The following OLA1 variants were observed in gnomAD, a reference collection of about 807,000 sequenced individuals.
OLA1 encodes Obg like ATPase 1.
In OLA1, 14 loss-of-function variants were observed where a neutral mutation model predicts 48.4. The ratio of observed to expected loss-of-function variants is 0.29; its 90% confidence interval spans 0.19 to 0.45. OLA1 has a LOEUF of 0.45. OLA1 is among the 20% of genes least tolerant of loss of function. The pLI is 1.00. For missense variants in OLA1, 325 were observed against 467.1 expected (o/e 0.70, Z 2.80); for synonymous variants, 127 against 150.4 (o/e 0.84, Z 1.14).
intron 7 of OLA1, among the ~76,000 whole-genome samples, chr2:174,116,817 C>CACAT (rs1423429397): frequency 6.6e-6 from 1 of 152,180 alleles, no homozygotes; most frequent in Non-Finnish European, 1.5e-5. Flanking sequence ...TCACCCCCAA[C>CACAT]ACATACATAC....
intron 4 of OLA1, among the ~76,000 whole-genome samples, chr2:174,151,760 AT>A (rs1445482794): frequency 5.3e-5 from 8 of 152,210 alleles, no homozygotes; most frequent in African/African-American, 1.9e-4. Flanking sequence ...TTTAATATCT[AT>A]AGTTTTATTA....
intron 7 of OLA1, among the ~76,000 whole-genome samples, chr2:174,108,012 C>G (rs1354422199): frequency 6.6e-6 from 1 of 152,062 alleles, no homozygotes; most frequent in Non-Finnish European, 1.5e-5. Flanking sequence ...ACAATATTAT[C>G]TCTTTTCAAA....
intron 4 of OLA1, among the ~76,000 whole-genome samples, chr2:174,214,449 G>A (rs1688316720): frequency 6.6e-6 from 1 of 152,142 alleles, no homozygotes; most frequent in Non-Finnish European, 1.5e-5. Flanking sequence ...TTGCCCTAGG[G>A]TTATATCTTA....
chr2:174,129,532 C>A (rs918764042), intron 5 of OLA1, among the ~76,000 whole-genome samples: 1 of 150,286 alleles, frequency 6.7e-6, no homozygotes, highest in East Asian at 1.9e-4. Context: ...AATGTGATTC[C>A]ATTTATGGTT....
At chr2:174,122,657 C>T (rs1252970257) in intron 7 of OLA1, among the ~76,000 whole-genome samples, 1 of 151,498 alleles carries the variant, frequency 6.6e-6, no homozygotes, top group Non-Finnish European at 1.5e-5. Context: ...AAATGACAAT[C>T]AATACATGAA....
At position 174,094,424 on chromosome 2, in the gene OLA1, C is replaced by T. The variant is rs1347332067; in HGVS notation, c.729-12360G>A. ...CCGGATTTTTTCCCCCAGAAACTGA[C>T]AAGTCAATCCTAAAATTCATATGAA... On this transcript the variant is annotated intron_variant, in intron 7 of 10. Coordinates refer to ENST00000284719, the MANE Select transcript of OLA1 (RefSeq NM_013341.5). Among the ~76,000 whole-genome samples, 4 of 152,100 alleles carry T rather than the reference C, an allele frequency of 2.6e-5. No homozygotes were observed. In the East Asian group the frequency reaches 5.8e-4, roughly 22 times the overall value.
At chr2:174,189,735 T>C (rs992432201) in intron 4 of OLA1, among the ~76,000 whole-genome samples, 3 of 152,092 alleles carry the variant, frequency 2.0e-5, no homozygotes, top group Non-Finnish European at 2.9e-5. Context: ...CCATAATTAC[T>C]GATGCATTTT....
intron 4 of OLA1, among the ~76,000 whole-genome samples, chr2:174,219,239 C>T (rs1369970397): frequency 6.8e-6 from 1 of 146,266 alleles, no homozygotes; most frequent in Admixed American, 6.9e-5. Context: ...TCCAGGAGTT[C>T]AAGACCAGCC....
intron 7 of OLA1, among the ~76,000 whole-genome samples, chr2:174,121,531 A>T (rs1034275020): frequency 6.6e-6 from 1 of 151,954 alleles, no homozygotes; most frequent in African/African-American, 2.4e-5. Flanking sequence ...TCCCCCCAAG[A>T]CATACACACA....
At chr2:174,084,978 G>A (rs905691889) in intron 7 of OLA1, among the ~76,000 whole-genome samples, 14 of 152,202 alleles carry the variant, frequency 9.2e-5, no homozygotes, top group African/African-American at 3.4e-4. Context: ...GAGTTAAACT[G>A]TAAAGCCTTT....
At chr2:174,176,326 C>A (rs146467337) in intron 4 of OLA1, among the ~76,000 whole-genome samples, 4 of 152,000 alleles carry the variant, frequency 2.6e-5, no homozygotes, top group African/African-American at 7.2e-5. Context: ...TTTACCTATT[C>A]TGAAATCTTA....
intron 7 of OLA1, among the ~76,000 whole-genome samples, chr2:174,115,172 G>A (rs187107027): frequency 1.7e-3 from 262 of 152,218 alleles, no homozygotes; most frequent in Admixed American, 3.5e-3. Flanking sequence ...GGGTCATCTC[G>A]GAATTTGAGG....
chr2:174,090,479 G>A (rs765441234), intron 7 of OLA1, among the ~76,000 whole-genome samples: 4 of 152,326 alleles, frequency 2.6e-5, no homozygotes, highest in South Asian at 4.1e-4. Flanking sequence ...GCTGGCAAAC[G>A]GTTTGAGGGG....
intron 7 of OLA1, among the ~76,000 whole-genome samples, chr2:174,100,249 T>G (rs1006853688): frequency 1.4e-4 from 22 of 152,210 alleles, no homozygotes; most frequent in Non-Finnish European, 2.1e-4. Flanking sequence ...ATTTACTATG[T>G]GTCAGATACT....
intron 4 of OLA1, among the ~76,000 whole-genome samples, chr2:174,151,517 G>C (rs1471316603): frequency 6.6e-6 from 1 of 152,094 alleles, no homozygotes; most frequent in Admixed American, 6.5e-5. Flanking sequence ...ATCATTCAGA[G>C]GTTAGGGGCC....
chr2:174,077,363 T>TACATACAC (rs1485338944), intron 10 of OLA1, among the ~76,000 whole-genome samples: 103 of 150,180 alleles, frequency 6.9e-4, no homozygotes, highest in African/African-American at 2.5e-3. Context: ...CATACATACA[T>TACATACAC]ACACACACAT....
intron 7 of OLA1, among the ~76,000 whole-genome samples, chr2:174,114,163 C>A (rs1308701903): frequency 9.8e-5 from 9 of 92,104 alleles, no homozygotes; most frequent in East Asian, 3.1e-4. Context: ...CCTGTCTCTA[C>A]TAAAAATACA....
intron 2 of OLA1, chr2:174,240,096 G>T (rs1453141474): frequency 6.6e-6 from 1 of 152,066 alleles, no homozygotes; most frequent in African/African-American, 2.4e-5. Flanking sequence ...TTGCAACTGT[G>T]AGTTTTTTTA....
At chr2:174,174,133 T>A (rs1220118302) in intron 4 of OLA1, among the ~76,000 whole-genome samples, 1 of 151,564 alleles carries the variant, frequency 6.6e-6, no homozygotes, top group Non-Finnish European at 1.5e-5. Flanking sequence ...GAATCCTCCA[T>A]AAACTCTTCG....
Sources: allele counts gnomAD v4.1 joint callset (sites outside exome capture counted in the v4.1 genomes callset), GRCh38; gene constraint gnomAD v4.1.1; transcripts MANE v1.5; gene names NCBI Gene and HGNC (gene_info 2026-07-23, HGNC 2026-07-21).